GAS7: variants seen among roughly 807,000 people sequenced by gnomAD.
The protein encoded by GAS7 is growth arrest-specific protein 7.
GAS7 carries 28 observed loss-of-function variants against 71.1 expected under a neutral mutation model. The ratio of observed to expected loss-of-function variants is 0.39; its 90% CI spans 0.29 to 0.54. The LOEUF (loss-of-function observed/expected upper bound fraction) is 0.54, where lower values mean the gene tolerates loss of function less well. GAS7 is among the 20% of genes least tolerant of loss of function. The pLI, the probability that GAS7 is intolerant of heterozygous loss-of-function variation, is 0.62. For missense variants in GAS7, 436 were observed against 627.8 expected (o/e 0.69, Z 3.27); for synonymous variants, 258 against 245.8 (o/e 1.05, Z -0.46).
chr17:10,168,731 G>A (rs940014898), intron 1 of GAS7, among the ~76,000 whole-genome samples: 5 of 152,208 alleles, frequency 3.3e-5, no homozygotes, highest in Admixed American at 1.3e-4. Flanking sequence ...CCAGCACTTT[G>A]GGAGGCTGAG....
Position 10,198,114 on chromosome 17 carries a change from G to C in GAS7, c.183+94C>G, listed in dbSNP as rs544167147. The C allele has an allele frequency of 6.9e-4, 871 of 1,270,510 alleles. 9 individuals are homozygous for C. In the East Asian group the frequency reaches 0.02, roughly 29 times the overall value. 78.7% of individuals were successfully genotyped at this position (1,270,510 alleles called of 1,614,324 possible). ...TGCCCCCCGGGGCGCCCCTCCGACC[G>C]GGACGCTGCGGCATCCCCGGAACGG... is the stretch of plus-strand genomic sequence containing the variant. On this transcript the variant is annotated intron_variant, in intron 1 of 13. Transcript: ENST00000432992.
At chr17:9,976,773 G>A (rs1390744511) in intron 3 of GAS7, among the ~76,000 whole-genome samples, 1 of 152,116 alleles carries the variant, frequency 6.6e-6, no homozygotes, top group Middle Eastern at 3.4e-3. Flanking sequence ...TCCCACAACC[G>A]CCCACCAGGA....
chr17:10,016,620 A>AAAAACAAAACAAAAAAAAAAAAC (rs2072025357), intron 2 of GAS7, among the ~76,000 whole-genome samples: 2 of 131,666 alleles, frequency 1.5e-5, no homozygotes, highest in African/African-American at 6.1e-5. Context: ...AAAAAAAAAA[A>AAAAACAAAACAAAAAAAAAAAAC]AAAACAAAAC....
intron 1 of GAS7, among the ~76,000 whole-genome samples, chr17:10,054,450 T>C (rs1020666666): frequency 2.6e-5 from 4 of 152,096 alleles, no homozygotes; most frequent in African/African-American, 9.7e-5. Flanking sequence ...ATCTGGATTT[T>C]TAATGGAAAA....
chr17:9,970,331 T>C (rs11869179), intron 3 of GAS7, among the ~76,000 whole-genome samples: 1,797 of 152,226 alleles, frequency 0.012, 27 homozygotes, highest in African/African-American at 0.041. Flanking sequence ...TCTCCTAGAA[T>C]TAAAAATACA....
At chr17:10,116,113 C>T (rs745393366) in intron 1 of GAS7, among the ~76,000 whole-genome samples, 15 of 152,302 alleles carry the variant, frequency 9.8e-5, no homozygotes, top group South Asian at 2.1e-4. Flanking sequence ...GAGTTCAAGA[C>T]CAGCCTGGCC....
At chr17:10,105,672 A>G (rs2073749813) in intron 1 of GAS7, among the ~76,000 whole-genome samples, 1 of 152,010 alleles carries the variant, frequency 6.6e-6, no homozygotes, top group South Asian at 2.1e-4. Context: ...GGCCTTCCCT[A>G]AGCTCCCAAT....
Position 10,030,588 on chromosome 17 carries a change from G to A in GAS7, c.184-10691C>T, listed in dbSNP as rs1178072339. 2.0e-5 allele frequency among the ~76,000 whole-genome samples: 3 copies of A among 152,202 alleles called. No homozygotes were observed. In the East Asian group the frequency reaches 5.8e-4, roughly 29 times the overall value. On this transcript the variant is annotated intron_variant, in intron 1 of 13. Coordinates refer to ENST00000432992, the MANE Select transcript of GAS7 (RefSeq NM_201433.2). Reference sequence around the variant, plus strand: ...TTTCTATTTGCAAAATTTGTCGGAGGTATTACCAGAGTCCTCTGTGTGTCA... The same window carrying A: ...TTTCTATTTGCAAAATTTGTCGGAGATATTACCAGAGTCCTCTGTGTGTCA...
At chr17:10,161,773 C>T (rs575544958) in intron 1 of GAS7, among the ~76,000 whole-genome samples, 5 of 152,274 alleles carry the variant, frequency 3.3e-5, no homozygotes, top group South Asian at 2.1e-4. Flanking sequence ...CTTACAAAAA[C>T]GCCTTCCCAG....
At chr17:10,112,410 A>C (rs2142067416) in intron 1 of GAS7, among the ~76,000 whole-genome samples, 1 of 152,240 alleles carries the variant, frequency 6.6e-6, no homozygotes, top group Non-Finnish European at 1.5e-5. Flanking sequence ...GAGAGGAGGG[A>C]AGTAGGAAAA....
intron 1 of GAS7, among the ~76,000 whole-genome samples, chr17:10,164,880 G>T (rs1006914602): frequency 1.3e-5 from 2 of 150,042 alleles, no homozygotes; most frequent in South Asian, 2.1e-4. Context: ...TGGGCGCAGT[G>T]GCTCACGCCT....
intron 6 of GAS7, among the ~76,000 whole-genome samples, chr17:9,945,810 A>C (rs749084476): frequency 5.3e-5 from 8 of 151,990 alleles, no homozygotes; most frequent in Admixed American, 2.0e-4. Flanking sequence ...GTCTCTATTA[A>C]AAAAATAAAA....
Position 9,926,947 on chromosome 17 carries a change from A to G in GAS7, c.886-178T>C. On this transcript the variant is annotated intron_variant, in intron 9 of 13. Coordinates refer to ENST00000432992, the MANE Select transcript of GAS7 (RefSeq NM_201433.2). The surrounding 1 kb of genome is among the most constrained non-coding windows in gnomAD (Gnocchi z 5.0). ...GACACGTGGCTGCCTATCAGGTCTCAGCTTAGGCAGGTCACCTTAGCTCAG... is the reference window on the plus strand; with the variant it reads ...GACACGTGGCTGCCTATCAGGTCTCGGCTTAGGCAGGTCACCTTAGCTCAG... 1.6e-6 allele frequency: 1 copy of G among 628,734 alleles called. No individual in the cohort carries two copies. The highest frequency in any genetic ancestry group is 2.8e-6 in the Non-Finnish European group (1 of 352,700). The allele number at this position is 628,734 out of a possible 1,614,324, so 38.9% of individuals were successfully genotyped here. A position where few individuals can be genotyped will look rare whatever the true frequency, so the allele number is the denominator to read the frequency against.
At chr17:10,059,877 C>T in intron 1 of GAS7, 6 of 869,024 alleles carry the variant, frequency 6.9e-6, no homozygotes, top group Non-Finnish European at 8.3e-6. Flanking sequence ...GGCAACCAAA[C>T]AAATGATATT....
chr17:9,981,020 G>A lies in GAS7; in HGVS notation c.385+784C>T, dbSNP rs894629313. Among the ~76,000 whole-genome samples, 8 of 152,144 alleles carry A rather than the reference G, an allele frequency of 5.3e-5. No individual in the cohort carries two copies. The highest frequency in any genetic ancestry group is 2.1e-4 in the South Asian group (1 of 4,826). ...AGGAATGTCCATTTCAGCCAGGCGC[G>A]GTGGCTCACACCTTTAATCCCAGCA... On this transcript the variant is annotated intron_variant, in intron 3 of 13. Coordinates refer to ENST00000432992, the MANE Select transcript of GAS7 (RefSeq NM_201433.2). This position sits in a 1 kb window ranked among gnomAD's most constrained non-coding sequence, Gnocchi z 4.4.
intron 1 of GAS7, among the ~76,000 whole-genome samples, chr17:10,099,032 T>C (rs16959304): frequency 0.031 from 4,723 of 152,154 alleles, 227 homozygotes; most frequent in African/African-American, 0.11. Context: ...GGCATGGAGG[T>C]GAGAGATGGG....
chr17:10,189,772 C>G (rs1008256386), intron 1 of GAS7, among the ~76,000 whole-genome samples: 7 of 150,786 alleles, frequency 4.6e-5, no homozygotes, highest in Non-Finnish European at 8.9e-5. Context: ...AACCCTATCT[C>G]TACTAAAAAT....
intron 1 of GAS7, among the ~76,000 whole-genome samples, chr17:10,095,801 CAAAAAAA>C (rs58811317): frequency 1.8e-5 from 2 of 110,118 alleles, no homozygotes; most frequent in African/African-American, 6.7e-5. Context: ...GACTCCATCT[CAAAAAAA>C]AAAAAAAAAA....
intron 2 of GAS7, among the ~76,000 whole-genome samples, chr17:9,990,003 C>T (rs1244324510): frequency 2.6e-5 from 4 of 152,160 alleles, no homozygotes; most frequent in Non-Finnish European, 4.4e-5. Context: ...GGCATGGTGG[C>T]TCACGCCTGT....
Sources: gnomAD v4.1 joint callset for allele counts (sites outside exome capture counted in the v4.1 genomes callset) on GRCh38, gnomAD v4.1.1 for gene constraint, Gnocchi (gnomAD v3.1) non-coding constraint, MANE v1.5 for transcripts, NCBI Gene and HGNC (gene_info 2026-07-23, HGNC 2026-07-21) for gene names.